FRMPD4: variants seen among roughly 807,000 people sequenced by gnomAD.
FRMPD4 encodes FERM and PDZ domain-containing protein 4.
FRMPD4 carries 22 observed loss-of-function variants against 94.1 expected under a neutral mutation model. The ratio of observed to expected loss-of-function variants is 0.23; its 90% CI spans 0.17 to 0.33. The LOEUF is 0.33. Among genes scored for constraint, FRMPD4 ranks in the 10% least tolerant of loss-of-function variants. The pLI, the probability that FRMPD4 is intolerant of heterozygous loss-of-function variation, is 1.00. For missense variants in FRMPD4, 1,111 were observed against 1,339.9 expected, an observed-to-expected ratio of 0.83 and a Z score of 2.67; for synonymous variants, 631 against 548.6, an observed-to-expected ratio of 1.15 and a Z score of -2.10.
chrX:12,588,290 T>C (rs1308410169), intron 2 of FRMPD4, among the ~76,000 whole-genome samples: 2 of 112,372 alleles, frequency 1.8e-5, no homozygotes, highest in Non-Finnish European at 3.8e-5. Context: ...ACGCTCAGCC[T>C]GAGAATTGTT....
At position 12,371,812 on chromosome X, in the gene FRMPD4, T is replaced by G. The variant is rs553772534; in HGVS notation, c.42-126868T>G. Among the ~76,000 whole-genome samples, 4 of 111,807 alleles carry G rather than the reference T, an allele frequency of 3.6e-5. No homozygotes were observed. In the East Asian group the frequency reaches 1.1e-3, roughly 31 times the overall value. ...ACAGGACGCACAGTTCGATTTGAATTTCAGATAAACAGCAAACAATGTAAG... is the reference window on the plus strand; with the variant it reads ...ACAGGACGCACAGTTCGATTTGAATGTCAGATAAACAGCAAACAATGTAAG... On this transcript the variant is annotated intron_variant, in intron 1 of 16. Transcript: ENST00000675598.
At chrX:12,337,945 T>G (rs2055552391) in intron 1 of FRMPD4, among the ~76,000 whole-genome samples, 1 of 112,143 alleles carries the variant, frequency 8.9e-6, no homozygotes, top group South Asian at 3.7e-4. Flanking sequence ...TTCTGAAGAC[T>G]GGGAAATCCA....
intron 1 of FRMPD4, among the ~76,000 whole-genome samples, chrX:12,280,809 T>C (rs762957490): frequency 5.4e-5 from 6 of 111,552 alleles, no homozygotes; most frequent in Admixed American, 1.9e-4. Flanking sequence ...ACCACACTTA[T>C]AGGGCTGCTG....
At chrX:11,872,133 T>C (rs2053759219) in intron 2 of FRMPD4, among the ~76,000 whole-genome samples, 1 of 112,479 alleles carries the variant, frequency 8.9e-6, no homozygotes, top group Non-Finnish European at 1.9e-5. Flanking sequence ...TGATTATAAA[T>C]GCATAGAAAA....
chrX:12,358,756 C>CGGAAAAGGGA (rs2055934407), intron 1 of FRMPD4, among the ~76,000 whole-genome samples: 1 of 110,834 alleles, frequency 9.0e-6, no homozygotes, highest in Non-Finnish European at 1.9e-5. Context: ...GTTCTCTAAG[C>CGGAAAAGGGA]GGAAAAGGGA....
intron 1 of FRMPD4, among the ~76,000 whole-genome samples, chrX:12,468,327 A>G (rs1416093992): frequency 8.9e-6 from 1 of 112,287 alleles, no homozygotes; most frequent in African/African-American, 3.2e-5. Flanking sequence ...ATGGTTTTAT[A>G]AGGGAAGTAT....
chrX:12,547,946 T>C (rs1196295529), intron 2 of FRMPD4, among the ~76,000 whole-genome samples: 1 of 112,491 alleles, frequency 8.9e-6, no homozygotes, highest in Non-Finnish European at 1.9e-5. Flanking sequence ...TAAATCATTC[T>C]TGGGTACTTA....
At chrX:11,997,048 T>C (rs2054500090) in intron 3 of FRMPD4, among the ~76,000 whole-genome samples, 1 of 111,316 alleles carries the variant, frequency 9.0e-6, no homozygotes, top group African/African-American at 3.3e-5. Flanking sequence ...GAGGTTCTTC[T>C]GTCTAAACAA....
intron 3 of FRMPD4, among the ~76,000 whole-genome samples, chrX:12,116,787 C>T (rs1640387595): frequency 8.9e-6 from 1 of 112,135 alleles, no homozygotes; most frequent in Non-Finnish European, 1.9e-5. Context: ...CCTTCTCTGA[C>T]ATAATAGCAT....
At chrX:12,573,844 CTG>C (rs1002349015) in intron 2 of FRMPD4, among the ~76,000 whole-genome samples, 1 of 112,119 alleles carries the variant, frequency 8.9e-6, no homozygotes, top group Non-Finnish European at 1.9e-5. Flanking sequence ...TCACAAGAGA[CTG>C]AATGCAGAAG....
intron 1 of FRMPD4, among the ~76,000 whole-genome samples, chrX:12,157,685 C>T (rs964351433): frequency 4.5e-5 from 5 of 111,961 alleles, no homozygotes; most frequent in African/African-American, 1.6e-4. Context: ...TTTACTTGTA[C>T]ATGCTGTTTT....
At chrX:12,529,388 A>G (rs184810021) in intron 2 of FRMPD4, among the ~76,000 whole-genome samples, 1 of 112,741 alleles carries the variant, frequency 8.9e-6, no homozygotes, top group African/African-American at 3.2e-5. Context: ...CAATCTAATC[A>G]TAGAAGTGAT....
At chrX:12,096,501 CATGAGGAGTCTGTGTCTTCAGGG>C (rs1204764693) in intron 3 of FRMPD4, among the ~76,000 whole-genome samples, 5 of 111,980 alleles carry the variant, frequency 4.5e-5, no homozygotes, top group Non-Finnish European at 9.4e-5. Context: ...AAAGAAATTG[CATGAGGAGTCTGTGTCTTCAGGG>C]ATGTTGATAA....
intron 1 of FRMPD4, among the ~76,000 whole-genome samples, chrX:12,205,677 C>T (rs760470150): frequency 6.2e-4 from 69 of 111,999 alleles, no homozygotes; most frequent in African/African-American, 2.0e-3. Flanking sequence ...TATATTAAAA[C>T]GGTGCATTGC....
intron 2 of FRMPD4, among the ~76,000 whole-genome samples, chrX:12,523,758 G>T (rs1403831335): frequency 9.0e-6 from 1 of 110,561 alleles, no homozygotes; most frequent in South Asian, 3.9e-4. Flanking sequence ...AAACCGGGCA[G>T]CCTCCATTCT....
At chrX:12,456,497 C>T (rs1309298747) in intron 1 of FRMPD4, among the ~76,000 whole-genome samples, 2 of 111,941 alleles carry the variant, frequency 1.8e-5, no homozygotes, top group Non-Finnish European at 3.8e-5. Flanking sequence ...TGCCCCACCT[C>T]TACCCCCTCC....
intron 3 of FRMPD4, among the ~76,000 whole-genome samples, chrX:11,916,938 A>T (rs1458973140): frequency 9.0e-6 from 1 of 111,413 alleles, no homozygotes; most frequent in Non-Finnish European, 1.9e-5. Flanking sequence ...ACATGATTCG[A>T]TCCTGACCAA....
At chrX:12,412,910 A>G (rs920217041) in intron 1 of FRMPD4, among the ~76,000 whole-genome samples, 3 of 111,938 alleles carry the variant, frequency 2.7e-5, no homozygotes, top group African/African-American at 9.7e-5. Flanking sequence ...GGACATAGAC[A>G]TAAATATCTA....
At chrX:12,086,465 T>C (rs772813689) in intron 3 of FRMPD4, among the ~76,000 whole-genome samples, 1 of 112,259 alleles carries the variant, frequency 8.9e-6, no homozygotes, top group Admixed American at 9.4e-5. Flanking sequence ...AAAAAGTTTA[T>C]ATTCCTGGAA....
Sources: gnomAD v4.1 joint callset for allele counts (sites outside exome capture counted in the v4.1 genomes callset) on GRCh38, gnomAD v4.1.1 for gene constraint, MANE v1.5 for transcripts, NCBI Gene and HGNC (gene_info 2026-07-23, HGNC 2026-07-21) for gene names.